RSBN1L: variants seen among roughly 807,000 people sequenced by gnomAD.
RSBN1L encodes round spermatid basic protein 1 like.
A neutral mutation model predicts 67.7 loss-of-function variants in RSBN1L; 30 were observed. The ratio of observed to expected loss-of-function variants is 0.44; its 90% CI spans 0.33 to 0.60. The LOEUF is 0.60. RSBN1L is among the 20% of genes least tolerant of loss of function. The pLI is 0.02. For missense variants in RSBN1L, 992 were observed against 1,031.7 expected (o/e 0.96, Z 0.53); for synonymous variants, 433 against 387.0 (o/e 1.12, Z -1.39).
At chr7:77,714,302 C>T (rs961746861) in intron 1 of RSBN1L, among the ~76,000 whole-genome samples, 8 of 152,142 alleles carry the variant, frequency 5.3e-5, no homozygotes, top group Admixed American at 3.9e-4. Flanking sequence ...TAGTTGATAG[C>T]CACCAGTAGA....
chr7:77,777,691 A>G (rs563449557), intron 6 of RSBN1L, among the ~76,000 whole-genome samples: 5 of 151,930 alleles, frequency 3.3e-5, no homozygotes, highest in Non-Finnish European at 5.9e-5. Flanking sequence ...TTGCCTTCAT[A>G]TGATTTTCTT....
At chr7:77,729,080 C>G (rs924130504) in intron 1 of RSBN1L, among the ~76,000 whole-genome samples, 1 of 152,122 alleles carries the variant, frequency 6.6e-6, no homozygotes, top group Non-Finnish European at 1.5e-5. Context: ...TCAGTAGACT[C>G]TTGGCTGTAG....
intron 3 of RSBN1L, among the ~76,000 whole-genome samples, chr7:77,760,842 G>T (rs997755323): frequency 6.6e-6 from 1 of 152,166 alleles, no homozygotes; most frequent in African/African-American, 2.4e-5. Flanking sequence ...TGTCATGTTG[G>T]CCAGGCTGGT....
intron 2 of RSBN1L, among the ~76,000 whole-genome samples, chr7:77,744,222 G>T (rs906041946): frequency 1.3e-5 from 2 of 151,650 alleles, no homozygotes; most frequent in African/African-American, 4.9e-5. Flanking sequence ...ATTTTGTAGA[G>T]ACAGGGTCTC....
At chr7:77,713,269 G>A (rs973963426) in intron 1 of RSBN1L, among the ~76,000 whole-genome samples, 5 of 151,604 alleles carry the variant, frequency 3.3e-5, no homozygotes, top group African/African-American at 7.3e-5. Flanking sequence ...TTAAGGGGGT[G>A]TACTTGGTCT....
intron 5 of RSBN1L, 90 bp downstream of exon 5, chr7:77,768,893 C>A: frequency 1.8e-6 from 2 of 1,091,110 alleles, no homozygotes; most frequent in Non-Finnish European, 2.7e-6. Context: ...AGGAGGAATG[C>A]AAAGTTTAGA....
At chr7:77,758,402 A>G (rs531190628) in intron 3 of RSBN1L, among the ~76,000 whole-genome samples, 2 of 152,332 alleles carry the variant, frequency 1.3e-5, no homozygotes, top group South Asian at 2.1e-4. Context: ...GGTACATAAG[A>G]TGTCTTGATA....
At chr7:77,708,111 G>A (rs1401369858) in intron 1 of RSBN1L, among the ~76,000 whole-genome samples, 3 of 152,110 alleles carry the variant, frequency 2.0e-5, no homozygotes, top group Non-Finnish European at 4.4e-5. Context: ...ATCCAGAATC[G>A]TACTTTGCGT....
intron 1 of RSBN1L, among the ~76,000 whole-genome samples, chr7:77,707,733 T>A (rs1790914323): frequency 6.6e-6 from 1 of 152,202 alleles, no homozygotes; most frequent in African/African-American, 2.4e-5. Context: ...TTTCTTTTTT[T>A]AAATTATAGA....
rs75901841 is a variant in RSBN1L, at chr7:77,702,856, C to G, written c.586+5801C>G. On this transcript the variant is annotated intron_variant, in intron 1 of 7. Transcript: ENST00000334955. ...CTTTTCCTATAATGGAAAGAAAAAT[C>G]TCTTCCTTTTCTCTTTATAAAGCTA... Among the ~76,000 whole-genome samples the G allele has an allele frequency of 3.0e-4, 46 of 152,294 alleles. 1 individual carries two copies. The highest frequency in any genetic ancestry group is 1.0e-3 in the African/African-American group (43 of 41,572).
intron 2 of RSBN1L, among the ~76,000 whole-genome samples, chr7:77,737,068 T>C (rs1222237350): frequency 6.6e-6 from 1 of 151,306 alleles, no homozygotes; most frequent in Non-Finnish European, 1.5e-5. Flanking sequence ...TGTTTATATA[T>C]GAGGGTGGGG....
chr7:77,743,245 T>C (rs556534908), intron 2 of RSBN1L, among the ~76,000 whole-genome samples: 2 of 152,134 alleles, frequency 1.3e-5, no homozygotes, highest in Admixed American at 6.5e-5. Flanking sequence ...GTAGAGACAG[T>C]GTCTTGCTTT....
At chr7:77,761,188 G>A (rs1188535146) in intron 3 of RSBN1L, among the ~76,000 whole-genome samples, 1 of 152,052 alleles carries the variant, frequency 6.6e-6, no homozygotes, top group Non-Finnish European at 1.5e-5. Context: ...TTTCAGTATT[G>A]GTTTGTCATT....
chr7:77,710,355 T>C (rs1790956507), intron 1 of RSBN1L, among the ~76,000 whole-genome samples: 1 of 152,188 alleles, frequency 6.6e-6, no homozygotes, highest in African/African-American at 2.4e-5. Context: ...CTTCCACAGC[T>C]CTGGATGATC....
At chr7:77,728,498 A>G (rs1266360733) in intron 1 of RSBN1L, among the ~76,000 whole-genome samples, 1 of 152,146 alleles carries the variant, frequency 6.6e-6, no homozygotes, top group Non-Finnish European at 1.5e-5. Context: ...AGGGCTGGCT[A>G]TAGGTTCACG....
chr7:77,701,653 CT>C (rs36070602), intron 1 of RSBN1L, among the ~76,000 whole-genome samples: 66,490 of 127,534 alleles, frequency 0.52, 17,050 homozygotes, highest in African/African-American at 0.76. Context: ...CTGAATTTTA[CT>C]TTTTTTTTTT....
At chr7:77,714,928 A>G (rs1791026156) in intron 1 of RSBN1L, among the ~76,000 whole-genome samples, 1 of 143,608 alleles carries the variant, frequency 7.0e-6, no homozygotes, top group South Asian at 2.2e-4. Flanking sequence ...GCACTACTGC[A>G]CTCCAGCCTG....
intron 6 of RSBN1L, among the ~76,000 whole-genome samples, chr7:77,777,328 T>C (rs1791931275): frequency 6.6e-6 from 1 of 152,060 alleles, no homozygotes; most frequent in African/African-American, 2.4e-5. Context: ...TATCATTAGG[T>C]GTGCTGTACA....
intron 6 of RSBN1L, among the ~76,000 whole-genome samples, chr7:77,776,559 G>C (rs115910245): frequency 1.3e-5 from 2 of 152,160 alleles, no homozygotes; most frequent in Admixed American, 6.6e-5. Flanking sequence ...TTCACTTAGC[G>C]TAGTGTTTTG....
Sources: allele counts gnomAD v4.1 joint callset (sites outside exome capture counted in the v4.1 genomes callset), GRCh38; gene constraint gnomAD v4.1.1; transcripts MANE v1.5; gene names NCBI Gene and HGNC (gene_info 2026-07-23, HGNC 2026-07-21).